Variants in SLF1 observed in about 807,000 individuals in gnomAD.
The protein encoded by SLF1 is SMC5/6 complex localization factor 1.
SLF1 carries 105 observed loss-of-function variants against 123.0 expected under a neutral mutation model. The ratio of observed to expected loss-of-function variants is 0.85; its 90% CI spans 0.73 to 1.00. The LOEUF (loss-of-function observed/expected upper bound fraction) is 1.00, where lower values mean the gene tolerates loss of function less well. SLF1 is among the 50% of genes least tolerant of loss of function. The probability of loss-of-function intolerance (pLI) is 0.00; values close to 1 mark genes in which losing one functional copy is unlikely to be tolerated. For missense variants in SLF1, 1,239 were observed against 1,223.0 expected, an observed-to-expected ratio of 1.01 and a Z score of -0.20; for synonymous variants, 434 against 406.6, an observed-to-expected ratio of 1.07 and a Z score of -0.81.
chr5:94,662,113 A>G (rs920839664), intron 9 of SLF1, among the ~76,000 whole-genome samples, 185 bp from the exon 10 acceptor site: 1 of 152,238 alleles, frequency 6.6e-6, no homozygotes, highest in African/African-American at 2.4e-5. Flanking sequence ...AGAAATGCTC[A>G]TAGTCGTGAG....
At chr5:94,630,805 G>A (rs1745113021) in intron 4 of SLF1, 62 bp downstream of exon 4, 1 of 1,489,456 alleles carries the variant, frequency 6.7e-7, no homozygotes, top group Non-Finnish European at 9.0e-7. Context: ...ATTTGCATGA[G>A]TACTTTCTGT....
Position 94,680,836 on chromosome 5 carries a change from G to A in SLF1, c.1975+1881G>A, listed in dbSNP as rs1012188913. ...GTTATTTTCAGTTTTCACATGACAT[G>A]TGTAAAACCTAGAACTTTGATTCTG... On this transcript the variant is annotated intron_variant, in intron 15 of 20. Coordinates refer to ENST00000265140, the MANE Select transcript of SLF1 (RefSeq NM_032290.4). 2.0e-4 allele frequency among the ~76,000 whole-genome samples: 31 copies of A among 152,130 alleles called. 1 individual carries two copies. The highest frequency in any genetic ancestry group is 2.9e-4 in the Non-Finnish European group (20 of 68,010).
At position 94,643,415 on chromosome 5, in the gene SLF1, C is replaced by A; in HGVS notation, c.574C>A (p.Leu192Ile). ...FKAPFYPIQY[L>I]GDFLLEKEIQ... ...GGCTCCATTTTATCCAATTCAGTAT[C>A]TAGGGGATTTTCTTTTAGAGGTAAG... Residue 192 changes from leucine to isoleucine, a missense_variant, in exon 5 of 21, where the codon CTA becomes ATA. Physicochemically the swap from Leu to Ile is conservative, Grantham distance 5. Coordinates refer to ENST00000265140, the MANE Select transcript of SLF1 (RefSeq NM_032290.4). The A allele has an allele frequency of 6.7e-7, 1 of 1,485,652 alleles. No homozygotes were observed. Among genetic ancestry groups the A allele is most frequent in the African/African-American group, 1.4e-5 (1 of 70,040 alleles). The allele number at this position is 1,485,652 out of a possible 1,614,324, so 92.0% of individuals were successfully genotyped here. A position where few individuals can be genotyped will look rare whatever the true frequency, so the allele number is the denominator to read the frequency against.
At chr5:94,674,863 G>A (rs920237791) in intron 14 of SLF1, among the ~76,000 whole-genome samples, 2 of 152,170 alleles carry the variant, frequency 1.3e-5, no homozygotes, top group African/African-American at 4.8e-5. Flanking sequence ...GTTCTTAAGT[G>A]CTATTGATAA....
chr5:94,696,745 C>G lies in SLF1; in HGVS notation c.*1433C>G, dbSNP rs753337039. The G allele has an allele frequency of 2.6e-5, 4 of 151,830 alleles. No homozygotes were observed. The highest frequency in any genetic ancestry group is 4.4e-5 in the Non-Finnish European group (3 of 67,872). 9.4% of individuals were successfully genotyped at this position (151,830 alleles called of 1,614,324 possible). ...TAGGCTTTGACATCATACACATTTT[C>G]AAATCCTTGTCTAGTTTCTTAATAA... On this transcript the variant is annotated 3_prime_UTR_variant, in exon 21 of 21. Transcript: ENST00000265140.
In SLF1 at chr5:94,643,392, C is replaced by T; in HGVS notation, c.551C>T (p.Ala184Val). 6.5e-7 allele frequency: 1 copy of T among 1,534,304 alleles called. No individual in the cohort carries two copies. The highest frequency in any genetic ancestry group is 8.8e-7 in the Non-Finnish European group (1 of 1,136,288). The change falls in exon 5 of 21, where the codon GCT (alanine) becomes GTT (valine). Residue 184 changes from alanine to valine, a missense_variant. Transcript: ENST00000265140. Reference sequence around the variant, plus strand: ...GAGAAAGAAAAAGATAACTTTAAGGCTCCATTTTATCCAATTCAGTATCTA... The same window carrying T: ...GAGAAAGAAAAAGATAACTTTAAGGTTCCATTTTATCCAATTCAGTATCTA... ...KAEKEKDNFK[A>V]PFYPIQYLGD...
In SLF1 at chr5:94,630,641, G is replaced by C; in HGVS notation, c.329G>C (p.Arg110Thr). Residue 110 changes from arginine to threonine, a missense_variant, in exon 4 of 21, where the codon AGA (arginine) becomes ACA (threonine). Coordinates refer to ENST00000265140, the MANE Select transcript of SLF1 (RefSeq NM_032290.4). ...YSPQMQSAPK[R>T]WREELKRTGA... is the part of the protein sequence containing the mutation. ...CCTCAAATGCAATCTGCACCTAAAA[G>C]ATGGCGTGAAGAACTGAAACGCACT... The C allele has an allele frequency of 1.3e-6, 2 of 1,551,690 alleles. No individual in the cohort carries two copies. Among genetic ancestry groups the C allele is most frequent in the Non-Finnish European group, 1.7e-6 (2 of 1,146,990 alleles).
chr5:94,622,934 C>T (rs1227006926), intron 1 of SLF1, among the ~76,000 whole-genome samples: 1 of 152,062 alleles, frequency 6.6e-6, no homozygotes, highest in African/African-American at 2.4e-5. Context: ...TTTTGTAGCA[C>T]CTTCCGCTTT....
At chr5:94,632,726 A>T (rs1745340644) in intron 4 of SLF1, among the ~76,000 whole-genome samples, 1 of 151,978 alleles carries the variant, frequency 6.6e-6, no homozygotes, top group Non-Finnish European at 1.5e-5. Context: ...TTTGAGACAG[A>T]GTCTCGGTCT....
intron 8 of SLF1, among the ~76,000 whole-genome samples, chr5:94,653,904 C>A (rs187793427): frequency 6.6e-6 from 1 of 151,386 alleles, no homozygotes; most frequent in African/African-American, 2.4e-5. Flanking sequence ...GATGCGGTGG[C>A]TCACACCTGT....
chr5:94,626,484 T>C (rs1246077532), intron 1 of SLF1, among the ~76,000 whole-genome samples: 4 of 152,158 alleles, frequency 2.6e-5, no homozygotes, highest in Non-Finnish European at 5.9e-5. Context: ...GGCACTTTCT[T>C]ATGTTCTGTA....
intron 5 of SLF1, among the ~76,000 whole-genome samples, chr5:94,645,734 G>A (rs11135409): frequency 0.15 from 22,555 of 152,090 alleles, 1,873 homozygotes; most frequent in East Asian, 0.32. Flanking sequence ...CTTATATTTG[G>A]TTTTAGAATA....
intron 4 of SLF1, among the ~76,000 whole-genome samples, chr5:94,641,961 T>A (rs1042779104): frequency 1.3e-5 from 2 of 152,168 alleles, no homozygotes; most frequent in African/African-American, 4.8e-5. Context: ...TGCTGCTCCT[T>A]CAGGGAAGAT....
chr5:94,653,481 A>T (rs1747989286), intron 8 of SLF1, 60 bp downstream of exon 8: 1 of 1,337,098 alleles, frequency 7.5e-7, no homozygotes, highest in Non-Finnish European at 1.0e-6. Flanking sequence ...TCTCTGATAT[A>T]ATCTAGATAT....
chr5:94,671,016 G>A lies in SLF1; in HGVS notation c.1827+8G>A. On this transcript the variant is annotated splice_region_variant and intron_variant, in intron 14 of 20. Coordinates refer to ENST00000265140, the MANE Select transcript of SLF1 (RefSeq NM_032290.4). ...AAATTCAAGTCTAATGATGTAAGTA[G>A]GATTAATTTATAGATGAATAGTCTA... 1 of 1,497,888 alleles carries A rather than the reference G, an allele frequency of 6.7e-7. No homozygotes were observed. Among genetic ancestry groups the A allele is most frequent in the Non-Finnish European group, 9.1e-7 (1 of 1,104,508 alleles). The allele number at this position is 1,497,888 out of a possible 1,614,324, so 92.8% of individuals were successfully genotyped here.
chr5:94,625,055 T>A (rs1412459591), intron 1 of SLF1, among the ~76,000 whole-genome samples: 2 of 151,054 alleles, frequency 1.3e-5, no homozygotes, highest in Non-Finnish European at 3.0e-5. Context: ...TTAGCCAGGC[T>A]GGTGGTGGGT....
In SLF1 at chr5:94,654,613, T is replaced by C; in HGVS notation, c.1033-17T>C. The stretch of plus-strand genomic sequence containing the variant: ...TTTAGTACATTTTCTAAAGTCATTT[T>C]ACTTTGCTATATGCAGAAAGAAATG... On this transcript the variant is annotated splice_polypyrimidine_tract_variant and intron_variant, in intron 8 of 20. Transcript: ENST00000265140. 9 of 1,518,806 alleles carry C rather than the reference T, an allele frequency of 5.9e-6. No homozygotes were observed. Among genetic ancestry groups the C allele is most frequent in the Non-Finnish European group, 8.0e-6 (9 of 1,132,016 alleles). 94.1% of individuals were successfully genotyped at this position (1,518,806 alleles called of 1,614,324 possible). A position where few individuals can be genotyped will look rare whatever the true frequency, so the allele number is the denominator to read the frequency against.
Position 94,630,524 on chromosome 5 carries a change from A to T in SLF1, c.212A>T (p.Asp71Val). 6.4e-7 allele frequency: 1 copy of T among 1,551,586 alleles called. No homozygotes were observed. The highest frequency in any genetic ancestry group is 8.7e-7 in the Non-Finnish European group (1 of 1,146,884). Residue 71 changes from aspartate to valine, a missense_variant, in exon 4 of 21, where the codon GAC (aspartate) becomes GTC (valine). Transcript: ENST00000265140. ...CTAGGAAAGTGGATACTAACCAAGG[A>T]CTATATAATTCATAGTGCCAAAAGT... ...CAAGKWILTK[D>V]YIIHSAKSGR...
At chr5:94,638,894 C>G (rs978455611) in intron 4 of SLF1, among the ~76,000 whole-genome samples, 3 of 152,060 alleles carry the variant, frequency 2.0e-5, no homozygotes, top group African/African-American at 7.2e-5. Context: ...TTTAGACATT[C>G]TACAGTTGAG....
Sources: gnomAD v4.1 joint callset for allele counts (sites outside exome capture counted in the v4.1 genomes callset) on GRCh38, gnomAD v4.1.1 for gene constraint, MANE v1.5 for transcripts, NCBI Gene and HGNC (gene_info 2026-07-23, HGNC 2026-07-21) for gene names.